RASA3: variants seen among roughly 807,000 people sequenced by gnomAD.
RASA3 encodes the protein RAS p21 protein activator 3, also known as ras GTPase-activating protein 3.
RASA3 carries 73 observed loss-of-function variants against 110.0 expected under a neutral mutation model. That is an observed-to-expected ratio of 0.66 (90% CI 0.55 to 0.81). The LOEUF (loss-of-function observed/expected upper bound fraction) is 0.81, where lower values mean the gene tolerates loss of function less well. RASA3 is among the 30% of genes least tolerant of loss of function. The probability of loss-of-function intolerance (pLI) is 0.00; values close to 1 mark genes in which losing one functional copy is unlikely to be tolerated. For synonymous variants in RASA3, 500 were observed against 451.4 expected (o/e 1.11, Z -1.37); for missense variants, 976 against 1,113.2 (o/e 0.88, Z 1.75).
At position 114,034,348 on chromosome 13, in the gene RASA3, C is replaced by T. The variant is rs576048608; in HGVS notation, c.373-4461G>A. Among the ~76,000 whole-genome samples, 266 of 152,380 alleles carry T rather than the reference C, an allele frequency of 1.7e-3. 3 individuals carry two copies. Among genetic ancestry groups the T allele is most frequent in the African/African-American group, 6.1e-3 (253 of 41,598 alleles). On this transcript the variant is annotated intron_variant, in intron 4 of 23. Transcript: ENST00000334062. Reference sequence around the variant, plus strand: ...AGACGGAGGTAGCTCTATTCACATTCGGGAGCTTCAGGAAGAGTCACGACT... The same window carrying T: ...AGACGGAGGTAGCTCTATTCACATTTGGGAGCTTCAGGAAGAGTCACGACT...
At chr13:114,079,428 C>T (rs1260635673) in intron 1 of RASA3, among the ~76,000 whole-genome samples, 1 of 152,224 alleles carries the variant, frequency 6.6e-6, no homozygotes, top group East Asian at 1.9e-4. Flanking sequence ...GGCTCCCAAC[C>T]TCAGCCTTTT....
At chr13:114,119,091 T>TC (rs1202304367) in intron 1 of RASA3, among the ~76,000 whole-genome samples, 4 of 151,152 alleles carry the variant, frequency 2.6e-5, no homozygotes, top group Non-Finnish European at 5.9e-5. Flanking sequence ...CCAGCTCTTT[T>TC]CCCCGGCCTG....
At chr13:114,068,436 G>A (rs1434826803) in intron 2 of RASA3, among the ~76,000 whole-genome samples, 1 of 152,252 alleles carries the variant, frequency 6.6e-6, no homozygotes. Context: ...AAGGAAATGA[G>A]GACACGACAC....
chr13:114,068,219 A>AG (rs912710876), intron 2 of RASA3, among the ~76,000 whole-genome samples: 2 of 152,118 alleles, frequency 1.3e-5, no homozygotes, highest in Admixed American at 1.3e-4. Flanking sequence ...CTCCACAGAA[A>AG]GGGGGGGCCA....
intron 1 of RASA3, among the ~76,000 whole-genome samples, chr13:114,104,911 C>T (rs1200181728): frequency 6.6e-6 from 1 of 151,212 alleles, no homozygotes; most frequent in Non-Finnish European, 1.5e-5. Flanking sequence ...ACGTTCGCCC[C>T]CTCCCCTCCC....
At chr13:113,997,604 C>T (rs533674195) in intron 20 of RASA3, among the ~76,000 whole-genome samples, 71 of 150,142 alleles carry the variant, frequency 4.7e-4, no homozygotes, top group African/African-American at 1.7e-3. Flanking sequence ...ATTAGAGGGA[C>T]GGGGGTGCTG....
chr13:114,087,595 AG>A (rs1216296152), intron 1 of RASA3, among the ~76,000 whole-genome samples: 2 of 152,296 alleles, frequency 1.3e-5, no homozygotes, highest in African/African-American at 4.8e-5. Flanking sequence ...CTCTGGAGGG[AG>A]GGCCCCGGGC....
chr13:114,017,760 C>T (rs1015247068), intron 11 of RASA3, among the ~76,000 whole-genome samples: 9 of 152,152 alleles, frequency 5.9e-5, no homozygotes, highest in African/African-American at 2.2e-4. Context: ...TAGAACAGGG[C>T]GTCCGGAAAC....
At chr13:114,128,680 G>C (rs116716404) in intron 1 of RASA3, among the ~76,000 whole-genome samples, 1,892 of 152,376 alleles carry the variant, frequency 0.012, 32 homozygotes, top group African/African-American at 0.043. Context: ...GGGCCAGACC[G>C]GCCGTGGGTC....
At chr13:114,033,967 C>T (rs1322769431) in intron 4 of RASA3, among the ~76,000 whole-genome samples, 1 of 152,268 alleles carries the variant, frequency 6.6e-6, no homozygotes, top group Admixed American at 6.5e-5. Flanking sequence ...AGCTCCTCTT[C>T]CCACACCCAT....
chr13:114,002,134 G>A (rs2053419474), intron 18 of RASA3, among the ~76,000 whole-genome samples: 1 of 152,254 alleles, frequency 6.6e-6, no homozygotes, highest in Non-Finnish European at 1.5e-5. Flanking sequence ...GTGACTGGAG[G>A]ACAGAGGTGG....
rs796162072 is a variant in RASA3 at position 114,112,644 on chromosome 13, G to A, written c.55+19791C>T. ...GGTTAAGGGTTGGTAACTGGAGAAT[G>A]GGGTGGGGGTATGCCAGCTCTCCCT... is the stretch of plus-strand genomic sequence containing the variant. On this transcript the variant is annotated intron_variant, in intron 1 of 23. Transcript: ENST00000334062. This position sits in a 1 kb window ranked among gnomAD's most constrained non-coding sequence, Gnocchi z 4.8. Among the ~76,000 whole-genome samples the A allele has an allele frequency of 1.2e-4, 18 of 152,022 alleles. No individual in the cohort carries two copies. The highest frequency in any genetic ancestry group is 4.3e-4 in the African/African-American group (18 of 41,474).
intron 2 of RASA3, among the ~76,000 whole-genome samples, chr13:114,061,954 C>T (rs975573184): frequency 2.0e-5 from 3 of 152,110 alleles, no homozygotes; most frequent in Non-Finnish European, 4.4e-5. Context: ...CAAGGTCAAG[C>T]CAGCTCAGGG....
intron 1 of RASA3, among the ~76,000 whole-genome samples, chr13:114,128,779 C>T (rs1286887643): frequency 1.3e-5 from 2 of 152,232 alleles, no homozygotes; most frequent in African/African-American, 4.8e-5. Flanking sequence ...AAGAAGGGAG[C>T]GACCAGAGAG....
At chr13:114,015,133 T>G in intron 14 of RASA3, 76 bp downstream of exon 14, 1 of 1,574,076 alleles carries the variant, frequency 6.4e-7, no homozygotes, top group Non-Finnish European at 8.7e-7. Context: ...CTGCGGGGGG[T>G]TCTGCCTGGG....
intron 1 of RASA3, among the ~76,000 whole-genome samples, chr13:114,081,614 GGTA>G (rs2079789571): frequency 1.3e-5 from 2 of 152,182 alleles, no homozygotes; most frequent in Non-Finnish European, 1.5e-5. Flanking sequence ...CTTATAAACA[GGTA>G]ATAAAATATG....
chr13:114,022,047 G>A (rs889775592), intron 8 of RASA3, among the ~76,000 whole-genome samples: 28 of 152,160 alleles, frequency 1.8e-4, no homozygotes, highest in African/African-American at 4.8e-4. Flanking sequence ...TGTGCACGGC[G>A]GGCAAATGTA....
At chr13:114,102,268 G>A (rs1285322941) in intron 1 of RASA3, among the ~76,000 whole-genome samples, 1 of 152,156 alleles carries the variant, frequency 6.6e-6, no homozygotes, top group Non-Finnish European at 1.5e-5. Flanking sequence ...GCAGGCAGCG[G>A]GCTGAGAAGC....
At position 114,114,117 on chromosome 13, in the gene RASA3, T is replaced by C. The variant is rs138071279; in HGVS notation, c.55+18318A>G. On this transcript the variant is annotated intron_variant, in intron 1 of 23. Coordinates refer to ENST00000334062, the MANE Select transcript of RASA3 (RefSeq NM_007368.4). This position sits in a 1 kb window ranked among gnomAD's most constrained non-coding sequence, Gnocchi z 4.8. ...ATGTCTGTAGTGTCTGCGATGTCTG[T>C]AGTATCTGCAATGTCCATGCAGCTC... is the stretch of plus-strand genomic sequence containing the variant. Among the ~76,000 whole-genome samples the C allele has an allele frequency of 6.6e-6, 1 of 152,280 alleles. No homozygotes were observed. Among genetic ancestry groups the C allele is most frequent in the Non-Finnish European group, 1.5e-5 (1 of 68,018 alleles).
Sources: gnomAD v4.1 joint callset for allele counts (sites outside exome capture counted in the v4.1 genomes callset) on GRCh38, gnomAD v4.1.1 for gene constraint, Gnocchi (gnomAD v3.1) non-coding constraint, MANE v1.5 for transcripts, NCBI Gene and HGNC (gene_info 2026-07-23, HGNC 2026-07-21) for gene names.